Variants in RBFOX1 observed in about 807,000 individuals in gnomAD.
RBFOX1 encodes the protein RNA binding fox-1 homolog 1.
In RBFOX1, 8 loss-of-function variants were observed where a neutral mutation model predicts 57.7. That is an observed-to-expected ratio of 0.14 (90% confidence interval 0.08 to 0.25). RBFOX1 has a LOEUF of 0.25. RBFOX1 is among the 10% of genes least tolerant of loss of function. The probability of loss-of-function intolerance (pLI) is 1.00; values close to 1 mark genes in which losing one functional copy is unlikely to be tolerated. For synonymous variants in RBFOX1, 326 were observed against 222.4 expected (o/e 1.47, Z -4.15); for missense variants, 611 against 548.5 (o/e 1.11, Z -1.14).
chr16:5,797,746 ATTGGAATT>A (rs1597296728), intron 3 of RBFOX1, among the ~76,000 whole-genome samples: 1 of 152,192 alleles, frequency 6.6e-6, no homozygotes, highest in East Asian at 1.9e-4. Flanking sequence ...TTTAGATTTT[ATTGGAATT>A]AAGCTAAAAT....
intron 9 of RBFOX1, among the ~76,000 whole-genome samples, chr16:7,605,722 T>C (rs931853838): frequency 5.9e-5 from 9 of 152,168 alleles, no homozygotes; most frequent in African/African-American, 2.2e-4. Context: ...TCCTTCACAT[T>C]CAAACTTTAA....
At chr16:5,933,530 C>T (rs2059110319) in intron 4 of RBFOX1, among the ~76,000 whole-genome samples, 1 of 152,180 alleles carries the variant, frequency 6.6e-6, no homozygotes, top group East Asian at 1.9e-4. Context: ...GATGCTCCTG[C>T]AGGGAAAAGT....
At chr16:6,444,585 A>G (rs1249918465) in intron 2 of RBFOX1, among the ~76,000 whole-genome samples, 1 of 152,034 alleles carries the variant, frequency 6.6e-6, no homozygotes, top group Non-Finnish European at 1.5e-5. Flanking sequence ...GCCTTCTGCC[A>G]TGATTGTGAG....
intron 4 of RBFOX1, among the ~76,000 whole-genome samples, chr16:7,189,543 A>G (rs1048366144): frequency 8.5e-5 from 12 of 140,636 alleles, no homozygotes; most frequent in Admixed American, 3.6e-4. Flanking sequence ...CCAAAACACT[A>G]TGTCCCCCAA....
chr16:5,922,617 C>G (rs535609654), intron 4 of RBFOX1, among the ~76,000 whole-genome samples: 1 of 152,354 alleles, frequency 6.6e-6, no homozygotes, highest in East Asian at 1.9e-4. Context: ...TGGCAGAAAG[C>G]TGCTGCTGGT....
intron 2 of RBFOX1, among the ~76,000 whole-genome samples, chr16:6,564,938 G>T (rs1038171788): frequency 1.3e-4 from 20 of 151,906 alleles, no homozygotes; most frequent in African/African-American, 4.8e-4. Context: ...GTCAGGAGTT[G>T]GAGATCAGCT....
At chr16:5,626,962 G>A (rs1334332963) in intron 3 of RBFOX1, among the ~76,000 whole-genome samples, 3 of 152,170 alleles carry the variant, frequency 2.0e-5, no homozygotes, top group African/African-American at 7.2e-5. Context: ...AGTCAGTTCA[G>A]ATAAATCAGC....
chr16:6,925,821 C>T (rs1407748719), intron 3 of RBFOX1, among the ~76,000 whole-genome samples: 4 of 151,794 alleles, frequency 2.6e-5, no homozygotes, highest in Admixed American at 2.0e-4. Flanking sequence ...GCGAAATTAC[C>T]TTTGGTGAGT....
chr16:6,884,131 G>A (rs1407622312), intron 3 of RBFOX1, among the ~76,000 whole-genome samples: 2 of 152,308 alleles, frequency 1.3e-5, no homozygotes, highest in Middle Eastern at 3.4e-3. Flanking sequence ...TCTGATGCTC[G>A]ACCGAGCAGA....
chr16:5,790,387 T>C (rs1479792515), intron 3 of RBFOX1, among the ~76,000 whole-genome samples: 1 of 151,722 alleles, frequency 6.6e-6, no homozygotes, highest in Non-Finnish European at 1.5e-5. Context: ...CAGAGAAGGA[T>C]GGGGCCGTAG....
chr16:7,277,404 C>G (rs1568001228), intron 4 of RBFOX1, among the ~76,000 whole-genome samples: 1 of 152,146 alleles, frequency 6.6e-6, no homozygotes, highest in Non-Finnish European at 1.5e-5. Flanking sequence ...CCACCCATCT[C>G]CAGCTGGAAT....
chr16:5,375,398 C>G lies in RBFOX1; in HGVS notation c.220-91818C>G, dbSNP rs544636460. 2.0e-5 allele frequency among the ~76,000 whole-genome samples: 3 copies of G among 152,226 alleles called. No individual in the cohort carries two copies. The South Asian group carries it at 6.2e-4, about 32-fold the overall frequency. Reference sequence around the variant, plus strand: ...GCCAAGGGGCATGGAGACTGAATCTCCAGGGCTTGTGGGAGGAAACAGCAT... The same window carrying G: ...GCCAAGGGGCATGGAGACTGAATCTGCAGGGCTTGTGGGAGGAAACAGCAT... On this transcript the variant is annotated intron_variant, in intron 1 of 2. Coordinates refer to the RBFOX1 transcript ENST00000585867.
At chr16:6,127,841 T>G (rs537758632) in intron 1 of RBFOX1, among the ~76,000 whole-genome samples, 3 of 152,150 alleles carry the variant, frequency 2.0e-5, no homozygotes, top group African/African-American at 7.2e-5. Flanking sequence ...CTAAAAAAAA[T>G]TTTTTTCTTT....
chr16:6,713,080 T>C (rs773939160), intron 3 of RBFOX1, among the ~76,000 whole-genome samples: 3 of 151,934 alleles, frequency 2.0e-5, no homozygotes, highest in Non-Finnish European at 4.4e-5. Flanking sequence ...ACCATGAGTC[T>C]ATTAAACCTC....
intron 3 of RBFOX1, among the ~76,000 whole-genome samples, chr16:6,947,737 G>T (rs945342462): frequency 6.6e-6 from 1 of 152,094 alleles, no homozygotes; most frequent in Non-Finnish European, 1.5e-5. Flanking sequence ...TACTTAGGTG[G>T]CTTTCTTTTT....
At chr16:6,582,567 C>A (rs1338034361) in intron 2 of RBFOX1, among the ~76,000 whole-genome samples, 1 of 151,406 alleles carries the variant, frequency 6.6e-6, no homozygotes, top group African/African-American at 2.4e-5. Flanking sequence ...TTCTGGGCCT[C>A]CTCAATGAAA....
intron 1 of RBFOX1, among the ~76,000 whole-genome samples, chr16:5,357,941 A>C (rs2065438369): frequency 6.6e-6 from 1 of 152,248 alleles, no homozygotes; most frequent in Admixed American, 6.5e-5. Flanking sequence ...TTTGGAATAC[A>C]TTAAAAATTG....
chr16:5,440,712 A>C (rs566209339), intron 1 of RBFOX1, among the ~76,000 whole-genome samples: 22 of 152,284 alleles, frequency 1.4e-4, no homozygotes, highest in African/African-American at 5.1e-4. Context: ...AGCTGAGTAT[A>C]TATTTTACAA....
intron 1 of RBFOX1, among the ~76,000 whole-genome samples, chr16:6,274,370 A>C (rs1819220583): frequency 6.6e-6 from 1 of 152,212 alleles, no homozygotes; most frequent in Non-Finnish European, 1.5e-5. Flanking sequence ...CCCAGTAACA[A>C]AAAGGAGTGG....
Sources: gnomAD v4.1 joint callset for allele counts (sites outside exome capture counted in the v4.1 genomes callset) on GRCh38, gnomAD v4.1.1 for gene constraint, MANE v1.5 for transcripts, NCBI Gene and HGNC (gene_info 2026-07-23, HGNC 2026-07-21) for gene names.